Variants in RNF128 observed in about 807,000 individuals in gnomAD.
The protein encoded by RNF128 is E3 ubiquitin-protein ligase RNF128.
A neutral mutation model predicts 26.2 loss-of-function variants in RNF128; 13 were observed. That is an observed-to-expected ratio of 0.50 (90% confidence interval 0.32 to 0.79). The LOEUF (loss-of-function observed/expected upper bound fraction) is 0.79, where lower values mean the gene tolerates loss of function less well. RNF128 is among the 30% of genes least tolerant of loss of function. RNF128 has a pLI of 0.03. For missense variants in RNF128, 315 were observed against 349.7 expected (o/e 0.90, Z 0.79); for synonymous variants, 149 against 142.5 (o/e 1.05, Z -0.32).
chrX:106,747,377 A>G, intron 1 of RNF128, among the ~76,000 whole-genome samples: 1 of 111,806 alleles, frequency 8.9e-6, no homozygotes, highest in African/African-American at 3.2e-5. Context: ...TTAGCAAATT[A>G]AGGACTTTTT....
At chrX:106,717,211 A>T (rs1248503028) in intron 1 of RNF128, among the ~76,000 whole-genome samples, 1 of 111,086 alleles carries the variant, frequency 9.0e-6, no homozygotes, top group African/African-American at 3.3e-5. Flanking sequence ...TCAAAAAAAA[A>T]AAAAGAAAGA....
At chrX:106,748,707 G>A (rs1392042781) in intron 1 of RNF128, among the ~76,000 whole-genome samples, 1 of 111,575 alleles carries the variant, frequency 9.0e-6, no homozygotes, top group Non-Finnish European at 1.9e-5. Flanking sequence ...TCATGTGGGA[G>A]CTAAAAAAGT....
chrX:106,789,759 C>T (rs759340155), intron 4 of RNF128, among the ~76,000 whole-genome samples: 44 of 108,754 alleles, frequency 4.0e-4, no homozygotes, highest in Non-Finnish European at 7.7e-4. Context: ...CTATTTAATA[C>T]AATAGTGATG....
chrX:106,725,347 C>G (rs917746872), upstream of RNF128, among the ~76,000 whole-genome samples: 1 of 111,642 alleles, frequency 9.0e-6, no homozygotes, highest in Non-Finnish European at 1.9e-5. Flanking sequence ...TGTTAATTTT[C>G]CTCTAGGTTT....
exon 1 of RNF128, chrX:106,694,183 G>T: frequency 8.3e-7 from 1 of 1,210,225 alleles, no homozygotes; most frequent in Admixed American, 2.2e-5. Context: ...TTCACCAGTG[G>T]CTAATGCTAT....
chrX:106,769,151 G>T (rs1273610207), intron 1 of RNF128, among the ~76,000 whole-genome samples: 1 of 111,785 alleles, frequency 8.9e-6, no homozygotes, highest in Non-Finnish European at 1.9e-5. Flanking sequence ...GTCCATTTTG[G>T]AATATGTGTT....
intron 2 of RNF128, among the ~76,000 whole-genome samples, chrX:106,776,160 C>T (rs1163890247): frequency 1.8e-5 from 2 of 112,405 alleles, no homozygotes; most frequent in African/African-American, 6.4e-5. Flanking sequence ...TTATGGCATA[C>T]ACAAATTAAA....
chrX:106,773,257 A>G, intron 2 of RNF128, 97 bp downstream of exon 2: 1 of 848,461 alleles, frequency 1.2e-6, no homozygotes, highest in East Asian at 3.2e-5. Flanking sequence ...TTGCTAGACA[A>G]TGATCTCCCC....
intron 1 of RNF128, among the ~76,000 whole-genome samples, chrX:106,746,322 G>C (rs1181103609): frequency 9.0e-6 from 1 of 110,638 alleles, no homozygotes; most frequent in Non-Finnish European, 1.9e-5. Flanking sequence ...CTGTAAGTAT[G>C]TTATCACTAT....
At chrX:106,717,236 G>A (rs1929233673) in intron 1 of RNF128, among the ~76,000 whole-genome samples, 1 of 110,711 alleles carries the variant, frequency 9.0e-6, no homozygotes, top group Non-Finnish European at 1.9e-5. Context: ...AATTTATATT[G>A]TATTCAATAT....
At chrX:106,750,153 C>A (rs929902576) in intron 1 of RNF128, among the ~76,000 whole-genome samples, 1 of 111,512 alleles carries the variant, frequency 9.0e-6, no homozygotes, top group Non-Finnish European at 1.9e-5. Flanking sequence ...ACATTTCATC[C>A]CAATTCCACA....
intron 1 of RNF128, among the ~76,000 whole-genome samples, chrX:106,699,621 C>T (rs1225970697): frequency 8.9e-6 from 1 of 112,117 alleles, no homozygotes; most frequent in African/African-American, 3.2e-5. Flanking sequence ...TCACATCACT[C>T]CTCTTCTCAG....
At chrX:106,784,297 T>C (rs1023736256) in intron 2 of RNF128, among the ~76,000 whole-genome samples, 13 of 111,183 alleles carry the variant, frequency 1.2e-4, no homozygotes, top group Admixed American at 1.2e-3. Context: ...CTGTATAGAC[T>C]CTCTTTATAG....
At chrX:106,708,618 T>C (rs746050640) in intron 1 of RNF128, among the ~76,000 whole-genome samples, 13 of 112,216 alleles carry the variant, frequency 1.2e-4, no homozygotes, top group Non-Finnish European at 2.3e-4. Context: ...AAGTAGTATA[T>C]AGAAGCAACT....
intron 1 of RNF128, among the ~76,000 whole-genome samples, chrX:106,757,734 TA>T (rs1329036889): frequency 9.2e-6 from 1 of 108,944 alleles, no homozygotes; most frequent in African/African-American, 3.4e-5. Context: ...TAAAGTATAA[TA>T]AAAAAATAAA....
At chrX:106,784,540 G>A (rs1051431766) in intron 2 of RNF128, among the ~76,000 whole-genome samples, 3 of 111,549 alleles carry the variant, frequency 2.7e-5, no homozygotes, top group African/African-American at 9.8e-5. Flanking sequence ...ACCAAACAGT[G>A]TAAAGGTTGG....
At chrX:106,780,724 G>C (rs1199802941) in intron 2 of RNF128, among the ~76,000 whole-genome samples, 2 of 111,885 alleles carry the variant, frequency 1.8e-5, no homozygotes, top group Admixed American at 1.9e-4. Context: ...CCTCTTAAAG[G>C]CTTCTTTGCC....
rs184269763 is a variant in RNF128, at chrX:106,766,711, T to C, written c.485-6202T>C. 6.9e-4 allele frequency among the ~76,000 whole-genome samples: 77 copies of C among 112,029 alleles called. 2 individuals carry two copies. Among genetic ancestry groups the C allele is most frequent in the Admixed American group, 5.7e-3 (60 of 10,499 alleles). ...TTTCTTTTGCTGTGCAGAAGCTCTT[T>C]AGTTTAATTAGATCCCATTTGTCAA... is the stretch of plus-strand genomic sequence containing the variant. On this transcript the variant is annotated intron_variant, in intron 1 of 6. Coordinates refer to ENST00000255499, the MANE Select transcript of RNF128 (RefSeq NM_194463.2).
At chrX:106,749,342 G>A (rs981385662) in intron 1 of RNF128, among the ~76,000 whole-genome samples, 9 of 111,786 alleles carry the variant, frequency 8.1e-5, no homozygotes, top group African/African-American at 2.3e-4. Context: ...TTTGGAATTC[G>A]CTGGCGCATT....
Sources: allele counts gnomAD v4.1 joint callset (sites outside exome capture counted in the v4.1 genomes callset), GRCh38; gene constraint gnomAD v4.1.1; transcripts MANE v1.5; gene names NCBI Gene and HGNC (gene_info 2026-07-23, HGNC 2026-07-21).